OSBP2: variants seen among roughly 807,000 people sequenced by gnomAD.
OSBP2 encodes oxysterol binding protein 2.
A neutral mutation model predicts 96.0 loss-of-function variants in OSBP2; 66 were observed. That is an observed-to-expected ratio of 0.69 (90% confidence interval 0.56 to 0.84). OSBP2 has a LOEUF of 0.84. OSBP2 is among the 40% of genes least tolerant of loss of function. The pLI is 0.00. For missense variants in OSBP2, 1,038 were observed against 1,222.7 expected, an observed-to-expected ratio of 0.85 and a Z score of 2.25; for synonymous variants, 525 against 520.9, an observed-to-expected ratio of 1.01 and a Z score of -0.11.
intron 1 of OSBP2, among the ~76,000 whole-genome samples, chr22:30,740,192 C>T (rs1314488960): frequency 6.6e-6 from 1 of 152,044 alleles, no homozygotes; most frequent in Middle Eastern, 3.2e-3. Flanking sequence ...GTGGGGGAAC[C>T]AGTAAGCCAG....
At chr22:30,713,234 A>G (rs1375398634) in intron 1 of OSBP2, among the ~76,000 whole-genome samples, 1 of 151,384 alleles carries the variant, frequency 6.6e-6, no homozygotes, top group Non-Finnish European at 1.5e-5. Context: ...GCCCGCCACC[A>G]CGCCCGGCTA....
At chr22:30,814,013 G>T (rs1042095990) in intron 2 of OSBP2, among the ~76,000 whole-genome samples, 1 of 151,980 alleles carries the variant, frequency 6.6e-6, no homozygotes, top group African/African-American at 2.4e-5. Context: ...TGTTGACCAG[G>T]CTGGTCTCGA....
At chr22:30,828,066 G>A (rs2038441231) in intron 2 of OSBP2, among the ~76,000 whole-genome samples, 1 of 152,180 alleles carries the variant, frequency 6.6e-6, no homozygotes, top group Admixed American at 6.5e-5. Context: ...AGGCCACAGT[G>A]GGTGGGGCTG....
At chr22:30,718,323 C>G (rs1048459381) in intron 1 of OSBP2, among the ~76,000 whole-genome samples, 2 of 152,202 alleles carry the variant, frequency 1.3e-5, no homozygotes, top group African/African-American at 4.8e-5. Flanking sequence ...TCTGTCACAG[C>G]CTCTAACCTC....
At chr22:30,767,138 C>CAA (rs1156950666) in intron 2 of OSBP2, among the ~76,000 whole-genome samples, 8,002 of 78,366 alleles carry the variant, frequency 0.1, 392 homozygotes, top group African/African-American at 0.14. Context: ...ACTAAAAATA[C>CAA]AAAAAAAAAA....
intron 2 of OSBP2, among the ~76,000 whole-genome samples, chr22:30,855,173 G>A (rs1380518709): frequency 6.6e-6 from 1 of 152,290 alleles, no homozygotes; most frequent in African/African-American, 2.4e-5. Flanking sequence ...ATTCTCACAG[G>A]TTTTACTTGT....
At chr22:30,705,042 G>T (rs528509088) in intron 1 of OSBP2, among the ~76,000 whole-genome samples, 1 of 152,312 alleles carries the variant, frequency 6.6e-6, no homozygotes, top group African/African-American at 2.4e-5. Context: ...TGATGGAGTG[G>T]CCTCTTGTCT....
rs192234258 is a variant in OSBP2 at position 30,803,729 on chromosome 22, C to T, written c.853+62360C>T. On this transcript the variant is annotated intron_variant, in intron 2 of 13. Transcript: ENST00000332585. ...CGGGGCGAGGGTCACTTCAGTGCACCTGGCTGTTATAAGTGAGCTGGACTC... is the reference window on the plus strand; with the variant it reads ...CGGGGCGAGGGTCACTTCAGTGCACTTGGCTGTTATAAGTGAGCTGGACTC... Among the ~76,000 whole-genome samples the T allele has an allele frequency of 2.9e-3, 449 of 152,316 alleles. 2 individuals carry two copies. The highest frequency in any genetic ancestry group is 0.014 in the Middle Eastern group (4 of 294).
intron 1 of OSBP2, among the ~76,000 whole-genome samples, chr22:30,728,521 G>A (rs1443305425): frequency 6.6e-6 from 1 of 152,068 alleles, no homozygotes; most frequent in Admixed American, 6.6e-5. Context: ...TGTAGAGACA[G>A]GGTCTAGCTG....
intron 2 of OSBP2, among the ~76,000 whole-genome samples, chr22:30,848,108 C>G (rs1274752871): frequency 6.6e-6 from 1 of 152,028 alleles, no homozygotes; most frequent in Non-Finnish European, 1.5e-5. Context: ...CATTAGATTC[C>G]CTAACAGCTA....
At chr22:30,697,475 C>T (rs2089066440) in intron 1 of OSBP2, among the ~76,000 whole-genome samples, 1 of 152,106 alleles carries the variant, frequency 6.6e-6, no homozygotes, top group Non-Finnish European at 1.5e-5. Flanking sequence ...GGCGGGGTTT[C>T]ACCATGTTGG....
chr22:30,780,292 T>A (rs954260870), intron 2 of OSBP2, among the ~76,000 whole-genome samples: 5 of 152,178 alleles, frequency 3.3e-5, no homozygotes, highest in Admixed American at 3.3e-4. Flanking sequence ...ACGGTGAAGA[T>A]CCAGTAGCAT....
intron 2 of OSBP2, among the ~76,000 whole-genome samples, chr22:30,806,706 G>A (rs2090933431): frequency 6.6e-6 from 1 of 152,070 alleles, no homozygotes; most frequent in South Asian, 2.1e-4. Flanking sequence ...CCTGGGTGTT[G>A]CTGGTGGCTC....
At chr22:30,694,391 C>T (rs773228055), upstream of OSBP2, 16 of 1,487,038 alleles carry the variant, frequency 1.1e-5, 1 homozygote, top group South Asian at 2.0e-4. Context: ...GCCTTTAGCG[C>T]CCCTGTGCTT....
intron 2 of OSBP2, among the ~76,000 whole-genome samples, chr22:30,823,054 A>G (rs989725024): frequency 1.3e-5 from 2 of 152,258 alleles, no homozygotes; most frequent in Admixed American, 6.5e-5. Context: ...CTTCTTCCCC[A>G]GAGTCGGCCT....
chr22:30,699,966 C>CTTTTTT (rs1015256785), intron 1 of OSBP2, among the ~76,000 whole-genome samples: 1 of 141,090 alleles, frequency 7.1e-6, no homozygotes, highest in Non-Finnish European at 1.6e-5. Context: ...TTCTTTTTTT[C>CTTTTTT]TTTTTTTTTT....
chr22:30,707,669 A>T (rs1443422383), intron 1 of OSBP2, among the ~76,000 whole-genome samples: 1 of 150,850 alleles, frequency 6.6e-6, no homozygotes, highest in African/African-American at 2.4e-5. Flanking sequence ...GTGAGTCGAG[A>T]TCATGCCACT....
At chr22:30,746,311 C>T (rs1191725265) in intron 2 of OSBP2, among the ~76,000 whole-genome samples, 1 of 151,962 alleles carries the variant, frequency 6.6e-6, no homozygotes, top group Non-Finnish European at 1.5e-5. Context: ...GTAGTCCCAG[C>T]TACTTCAGAG....
chr22:30,881,876 TG>T lies in OSBP2; in HGVS notation c.1108-5545del. 7.9e-7 allele frequency: 1 copy of T among 1,261,670 alleles called. No homozygotes were observed. The highest frequency in any genetic ancestry group is 1.0e-6 in the Non-Finnish European group (1 of 954,904). 78.2% of individuals were successfully genotyped at this position (1,261,670 alleles called of 1,614,324 possible). On this transcript the variant is annotated intron_variant, in intron 3 of 13. Transcript: ENST00000332585. The surrounding 1 kb of genome is among the most constrained non-coding windows in gnomAD (Gnocchi z 4.5). ...GGGTGACCAGGCAGCTCATGTGCTG[TG>T]GGGGTAAAGGTCTTGGGTGCAGCCA...
Sources: gnomAD v4.1 joint callset for allele counts (sites outside exome capture counted in the v4.1 genomes callset) on GRCh38, gnomAD v4.1.1 for gene constraint, Gnocchi (gnomAD v3.1) non-coding constraint, MANE v1.5 for transcripts, NCBI Gene and HGNC (gene_info 2026-07-23, HGNC 2026-07-21) for gene names.